The following MEGF11 variants were observed in gnomAD, a reference collection of about 807,000 sequenced individuals.
The protein encoded by MEGF11 is multiple EGF like domains 11.
In MEGF11, 126 loss-of-function variants were observed where a neutral mutation model predicts 146.6. The observed-to-expected ratio is 0.86, with a 90% CI of 0.74 to 1.00. The LOEUF is 1.00. Among genes scored for constraint, MEGF11 ranks in the 50% least tolerant of loss-of-function variants. The pLI is 0.00. For synonymous variants in MEGF11, 532 were observed against 583.4 expected, an observed-to-expected ratio of 0.91 and a Z score of 1.27; for missense variants, 1,509 against 1,521.2, an observed-to-expected ratio of 0.99 and a Z score of 0.13.
intron 5 of MEGF11, among the ~76,000 whole-genome samples, chr15:66,007,643 C>T (rs1398799431): frequency 1.3e-5 from 2 of 152,138 alleles, no homozygotes; most frequent in Non-Finnish European, 2.9e-5. Context: ...CCAGCTACTA[C>T]TCCAGAAGCT....
chr15:66,053,503 C>T (rs1209050620), intron 5 of MEGF11, among the ~76,000 whole-genome samples: 1 of 151,918 alleles, frequency 6.6e-6, no homozygotes, highest in African/African-American at 2.4e-5. Flanking sequence ...TTATTTAGTT[C>T]CCCAACCCAA....
chr15:65,965,600 C>CTTTTTTT (rs767520450), intron 8 of MEGF11, among the ~76,000 whole-genome samples: 5 of 18,886 alleles, frequency 2.6e-4, no homozygotes, highest in African/African-American at 6.6e-4. Context: ...TTCTTTCTTT[C>CTTTTTTT]TTTTTTTTTT....
chr15:66,048,517 C>T (rs921604753), intron 5 of MEGF11, among the ~76,000 whole-genome samples: 3 of 152,208 alleles, frequency 2.0e-5, no homozygotes, highest in African/African-American at 7.2e-5. Flanking sequence ...GCTTCTGAAC[C>T]CAGCCACCCT....
rs1289726323 is a variant in MEGF11 at position 65,990,693 on chromosome 15, GAGAA to G, written c.395-8209_395-8206del. Among the ~76,000 whole-genome samples the G allele has an allele frequency of 4.2e-3, 546 of 129,336 alleles. 1 individual carries two copies. The highest frequency in any genetic ancestry group is 0.015 in the Middle Eastern group (4 of 272). The allele number at this position is 129,336 out of a possible 152,430, so 84.8% of individuals were successfully genotyped here. On this transcript the variant is annotated intron_variant, in intron 5 of 25. Coordinates refer to ENST00000395614, the MANE Select transcript of MEGF11 (RefSeq NM_001385028.1). ...GAAAGGGAAGAAAGGAAGAAAGGAA[GAGAA>G]AGAAAGAAAGGAAGGAAGAAAGAAA...
rs1325894836 is a variant in MEGF11, at chr15:65,918,015, A to G, written c.2037T>C (p.Asp679=). The stretch of plus-strand genomic sequence containing the variant: ...ATCCAGGAAAGCACTGGCAGGAGCC[A>G]TCGATAGGGCTGCAGGTCCCGTTGT... The part of the protein sequence containing the change: ...CANNGTCSPI[D]GSCQCFPGWI... The change falls in exon 16 of 26, where the codon GAT becomes GAC. Residue 679 remains aspartate (D), a synonymous_variant. Coordinates refer to ENST00000395614, the MANE Select transcript of MEGF11 (RefSeq NM_001385028.1). 2 of 1,614,050 alleles carry G rather than the reference A, an allele frequency of 1.2e-6. No individual in the cohort carries two copies. The highest frequency in any genetic ancestry group is 2.2e-5 in the East Asian group (1 of 44,888).
chr15:65,899,012 A>G, intron 24 of MEGF11, 78 bp from the exon 25 acceptor site: 5 of 1,388,464 alleles, frequency 3.6e-6, no homozygotes, highest in Non-Finnish European at 5.0e-6. Context: ...ACTGCAGTTG[A>G]GTTTATGTGC....
In MEGF11 at chr15:65,922,828, TG is replaced by T; in HGVS notation, c.1816del (p.Gln606ArgfsTer194). On this transcript the variant is annotated frameshift_variant, in exon 14 of 26. Coordinates refer to ENST00000395614, the MANE Select transcript of MEGF11 (RefSeq NM_001385028.1). LOFTEE classifies it high-confidence loss of function. ...CAPGFRGPLCQRICPPGFYGH... is the reference protein window; with the variant it reads ...CAPGFRGPLCXRICPPGFYGH... ...GGTCAGGGGATTAGCCTTACTTCTC[TG>T]GCATAAGGGTCCTCGGAAGCCAGGG... The T allele has an allele frequency of 6.2e-7, 1 of 1,613,762 alleles. No homozygotes were observed. The highest frequency in any genetic ancestry group is 8.5e-7 in the Non-Finnish European group (1 of 1,179,798).
At chr15:65,993,595 G>C (rs749923063) in intron 5 of MEGF11, among the ~76,000 whole-genome samples, 2 of 152,178 alleles carry the variant, frequency 1.3e-5, no homozygotes, top group South Asian at 4.1e-4. Flanking sequence ...CCTCCCCGAC[G>C]TGGCCCCCTC....
At chr15:65,999,728 G>A (rs1044710161) in intron 5 of MEGF11, among the ~76,000 whole-genome samples, 6 of 152,112 alleles carry the variant, frequency 3.9e-5, no homozygotes, top group Admixed American at 2.6e-4. Context: ...GGAGGTGCTC[G>A]GTACTACATT....
intron 5 of MEGF11, among the ~76,000 whole-genome samples, chr15:65,987,032 G>A (rs992122028): frequency 1.6e-4 from 25 of 151,976 alleles, no homozygotes; most frequent in Admixed American, 6.6e-4. Flanking sequence ...TCTGTTCCTC[G>A]AGGCTGGGCA....
intron 5 of MEGF11, among the ~76,000 whole-genome samples, chr15:65,986,208 C>T (rs1390825205): frequency 1.3e-5 from 2 of 152,152 alleles, no homozygotes; most frequent in African/African-American, 4.8e-5. Flanking sequence ...CTGCCTCAGC[C>T]TCCCAAAGTG....
At chr15:65,969,122 A>C (rs1219631488) in intron 8 of MEGF11, among the ~76,000 whole-genome samples, 2 of 152,062 alleles carry the variant, frequency 1.3e-5, no homozygotes, top group Non-Finnish European at 2.9e-5. Context: ...ACAAGCAGAG[A>C]GATTTTGGAT....
intron 2 of MEGF11, among the ~76,000 whole-genome samples, chr15:66,125,113 G>T (rs149011483): frequency 6.6e-6 from 1 of 152,162 alleles, no homozygotes. Flanking sequence ...AAGGTCAAAG[G>T]TCTGGCATCC....
chr15:66,013,775 G>T (rs879560881), intron 5 of MEGF11, among the ~76,000 whole-genome samples: 4 of 152,216 alleles, frequency 2.6e-5, no homozygotes, highest in Non-Finnish European at 5.9e-5. Flanking sequence ...GTAAAGAGAA[G>T]AGTGAGACTT....
intron 5 of MEGF11, among the ~76,000 whole-genome samples, chr15:66,024,846 C>T (rs1303446589): frequency 1.3e-5 from 2 of 152,142 alleles, no homozygotes; most frequent in Non-Finnish European, 2.9e-5. Flanking sequence ...GGATCTCAGC[C>T]CCTCCCAGCT....
At chr15:65,962,503 A>G (rs2080894706) in intron 9 of MEGF11, among the ~76,000 whole-genome samples, 1 of 152,236 alleles carries the variant, frequency 6.6e-6, no homozygotes, top group African/African-American at 2.4e-5. Context: ...TACCCAGCCC[A>G]AAATGTTCAT....
At chr15:66,108,213 C>T (rs929453606) in intron 4 of MEGF11, among the ~76,000 whole-genome samples, 1 of 152,158 alleles carries the variant, frequency 6.6e-6, no homozygotes, top group Non-Finnish European at 1.5e-5. Context: ...ATGTGAAGGA[C>T]CCTGCGGAAC....
At chr15:66,163,377 G>A (rs1235433184) in intron 1 of MEGF11, among the ~76,000 whole-genome samples, 2 of 152,282 alleles carry the variant, frequency 1.3e-5, no homozygotes, top group Middle Eastern at 3.4e-3. Flanking sequence ...TAGGAAGGCC[G>A]ATTTCAGCTT....
At chr15:66,205,547 G>A (rs2091278987) in intron 1 of MEGF11, among the ~76,000 whole-genome samples, 1 of 152,190 alleles carries the variant, frequency 6.6e-6, no homozygotes, top group Non-Finnish European at 1.5e-5. Flanking sequence ...TCTCAAGGTT[G>A]TACAAGGCAC....
Sources: gnomAD v4.1 joint callset for allele counts (sites outside exome capture counted in the v4.1 genomes callset) on GRCh38, gnomAD v4.1.1 for gene constraint, MANE v1.5 for transcripts, NCBI Gene and HGNC (gene_info 2026-07-23, HGNC 2026-07-21) for gene names.